The following AGPAT4 variants were observed in gnomAD, a reference collection of about 807,000 sequenced individuals.
AGPAT4 encodes the protein 1-acylglycerol-3-phosphate O-acyltransferase 4, also known as 1-acyl-sn-glycerol-3-phosphate acyltransferase delta.
A neutral mutation model predicts 48.0 loss-of-function variants in AGPAT4; 15 were observed. The observed-to-expected ratio is 0.31, with a 90% CI of 0.21 to 0.48. The LOEUF is 0.48. Among genes scored for constraint, AGPAT4 ranks in the 20% least tolerant of loss-of-function variants. The pLI is 0.99. For missense variants in AGPAT4, 314 were observed against 482.5 expected (o/e 0.65, Z 3.27); for synonymous variants, 178 against 198.7 (o/e 0.90, Z 0.88).
chr6:161,151,097 T>C (rs1562313738), intron 5 of AGPAT4, among the ~76,000 whole-genome samples: 1 of 152,168 alleles, frequency 6.6e-6, no homozygotes, highest in South Asian at 2.1e-4. Context: ...GCCAGCCTGA[T>C]TCTAACTGCA....
At position 161,154,308 on chromosome 6, in the gene AGPAT4, G is replaced by A. The variant is rs1779699310; in HGVS notation, c.351C>T (p.Gly117=). 4.3e-6 allele frequency: 7 copies of A among 1,614,126 alleles called. No homozygotes were observed. The highest frequency in any genetic ancestry group is 5.1e-6 in the Non-Finnish European group (6 of 1,180,034). ...SLSERFGLLG[G]SKVLAKKELA... is the part of the protein sequence containing the mutation. ...GCTCTTTCTTGGCCAGGACCTTGGA[G>A]CCCTGAAACAGAAGAAGGAGCCCAG... The change falls in exon 4 of 9, where the codon GGC becomes GGT. Residue 117 remains glycine, a splice_region_variant and synonymous_variant. Transcript: ENST00000320285. This position sits in a 1 kb window ranked among gnomAD's most constrained non-coding sequence, Gnocchi z 7.8.
In AGPAT4 at chr6:161,170,341, G is replaced by A. The variant is rs191586755; in HGVS notation, c.179-3924C>T. On this transcript the variant is annotated intron_variant, in intron 2 of 8. Transcript: ENST00000320285. ...TAGCTTCTTATTGAACCCTGACCGA[G>A]AGACACTTCCTCTTTACCGCCCCAA... is the stretch of plus-strand genomic sequence containing the variant. 3.3e-3 allele frequency among the ~76,000 whole-genome samples: 504 copies of A among 152,212 alleles called. 5 individuals carry two copies. The highest frequency in any genetic ancestry group is 7.0e-3 in the Admixed American group (107 of 15,276).
At chr6:161,170,471 G>GCACACACACA (rs1216836382) in intron 2 of AGPAT4, among the ~76,000 whole-genome samples, 1 of 113,728 alleles carries the variant, frequency 8.8e-6, no homozygotes, top group African/African-American at 3.6e-5. Flanking sequence ...ACGTGCGCGC[G>GCACACACACA]CGCACACACA....
rs1183310428 is a variant in AGPAT4 at position 161,204,232 on chromosome 6, T to C, written c.178+27804A>G. 6.6e-6 allele frequency among the ~76,000 whole-genome samples: 1 copy of C among 152,232 alleles called. No homozygotes were observed. The highest frequency in any genetic ancestry group is 1.5e-5 in the Non-Finnish European group (1 of 68,048). ...TGTACATAAAAGGGATTTGTGTGTT[T>C]ATTAATAATTTTGTCTATCTTTCTA... is the stretch of plus-strand genomic sequence containing the variant. On this transcript the variant is annotated intron_variant, in intron 2 of 8. Transcript: ENST00000320285. This position sits in a 1 kb window ranked among gnomAD's most constrained non-coding sequence, Gnocchi z 4.4.
In AGPAT4 at chr6:161,271,655, A is replaced by AT. The variant is rs1783427623; in HGVS notation, c.-90+2282dup. On this transcript the variant is annotated intron_variant, in intron 1 of 8. Coordinates refer to ENST00000320285, the MANE Select transcript of AGPAT4 (RefSeq NM_020133.3). ...GCTTTAACCTCTACTCAGCATCTGA[A>AT]TATCAGACAGTGTTTTGTTTGTTTA... Among the ~76,000 whole-genome samples the AT allele has an allele frequency of 2.0e-5, 3 of 152,204 alleles. No individual in the cohort carries two copies. The South Asian group carries it at 6.2e-4, about 32-fold the overall frequency.
rs935957450 is a variant in AGPAT4, at chr6:161,243,053, ACT to A, written c.-89-10753_-89-10752del. On this transcript the variant is annotated intron_variant, in intron 1 of 8. Coordinates refer to ENST00000320285, the MANE Select transcript of AGPAT4 (RefSeq NM_020133.3). This position sits in a 1 kb window ranked among gnomAD's most constrained non-coding sequence, Gnocchi z 4.8. ...ACTCCAGCTTGGGCGACAGAGCCAG[ACT>A]CTGTCTCAAAAAAATTTTTTTTTAA... Among the ~76,000 whole-genome samples the A allele has an allele frequency of 2.6e-5, 4 of 151,924 alleles. No individual in the cohort carries two copies. Among genetic ancestry groups the A allele is most frequent in the African/African-American group, 9.7e-5 (4 of 41,346 alleles).
chr6:161,243,379 A>G lies in AGPAT4; in HGVS notation c.-89-11077T>C. Among the ~76,000 whole-genome samples the G allele has an allele frequency of 6.6e-6, 1 of 152,078 alleles. No homozygotes were observed. The highest frequency in any genetic ancestry group is 2.1e-4 in the South Asian group (1 of 4,820). On this transcript the variant is annotated intron_variant, in intron 1 of 8. Coordinates refer to ENST00000320285, the MANE Select transcript of AGPAT4 (RefSeq NM_020133.3). The surrounding 1 kb of genome is among the most constrained non-coding windows in gnomAD (Gnocchi z 4.8). The stretch of plus-strand genomic sequence containing the variant: ...AGAGAGAGCTTTATTCAGCACCTAA[A>G]CCACCTCCCACTCTACCCCCACCGT...
rs140161829 is a variant in AGPAT4 at position 161,152,033 on chromosome 6, C to T, written c.664+1313G>A. On this transcript the variant is annotated intron_variant, in intron 5 of 8. Transcript: ENST00000320285. ...GGAAGGACCTCGGAGGTGGCTGGCC[C>T]GGTGGGCCCTCGGTTCTGCAGGCCC... Among the ~76,000 whole-genome samples the T allele has an allele frequency of 4.7e-3, 712 of 152,326 alleles. 2 individuals are homozygous for T. Among genetic ancestry groups the T allele is most frequent in the Non-Finnish European group, 7.3e-3 (497 of 68,020 alleles).
rs2114982189 is a variant in AGPAT4, at chr6:161,169,213, C to T, written c.179-2796G>A. ...TTTCATTCTAAAGGCAATATAAAAA[C>T]CACTGGAGCATTTTTAAATAGACAC... On this transcript the variant is annotated intron_variant, in intron 2 of 8. Transcript: ENST00000320285. This position sits in a 1 kb window ranked among gnomAD's most constrained non-coding sequence, Gnocchi z 5.0. Among the ~76,000 whole-genome samples, 2 of 152,196 alleles carry T rather than the reference C, an allele frequency of 1.3e-5. No homozygotes were observed. The highest frequency in any genetic ancestry group is 3.9e-4 in the East Asian group (2 of 5,166).
At chr6:161,192,142 CTTTT>C (rs573872820) in intron 2 of AGPAT4, among the ~76,000 whole-genome samples, 686 of 45,734 alleles carry the variant, frequency 0.015, 5 homozygotes, top group African/African-American at 0.069. Flanking sequence ...AGAAGTTATA[CTTTT>C]TTTTTTTTTT....
Position 161,148,615 on chromosome 6 carries a change from C to T in AGPAT4, c.767+572G>A, listed in dbSNP as rs1355391245. Among the ~76,000 whole-genome samples the T allele has an allele frequency of 6.6e-6, 1 of 152,190 alleles. No homozygotes were observed. Among genetic ancestry groups the T allele is most frequent in the Non-Finnish European group, 1.5e-5 (1 of 68,040 alleles). On this transcript the variant is annotated intron_variant, in intron 6 of 8. Transcript: ENST00000320285. This position sits in a 1 kb window ranked among gnomAD's most constrained non-coding sequence, Gnocchi z 5.5. The stretch of plus-strand genomic sequence containing the variant: ...GTCACACTGGGTTTTAATGCATGAA[C>T]TGCCATTGTGTTTACTATCTGCAGC...
rs1359492996 is a variant in AGPAT4 at position 161,238,090 on chromosome 6, G to A, written c.-89-5788C>T. Among the ~76,000 whole-genome samples the A allele has an allele frequency of 1.3e-5, 2 of 150,878 alleles. No individual in the cohort carries two copies. Among genetic ancestry groups the A allele is most frequent in the African/African-American group, 2.4e-5 (1 of 41,032 alleles). Reference sequence around the variant, plus strand: ...GGTGGGGGGGTAATGGGGGGGTTGGGGGGCGGGAGGCAGAATGCAGCATAG... The same window carrying A: ...GGTGGGGGGGTAATGGGGGGGTTGGAGGGCGGGAGGCAGAATGCAGCATAG... On this transcript the variant is annotated intron_variant, in intron 1 of 8. Transcript: ENST00000320285. This position sits in a 1 kb window ranked among gnomAD's most constrained non-coding sequence, Gnocchi z 5.2.
Position 161,215,906 on chromosome 6 carries a change from C to G in AGPAT4, c.178+16130G>C, listed in dbSNP as rs1781633093. Among the ~76,000 whole-genome samples the G allele has an allele frequency of 1.3e-5, 2 of 152,138 alleles. No individual in the cohort carries two copies. The highest frequency in any genetic ancestry group is 2.9e-5 in the Non-Finnish European group (2 of 68,024). ...GTAGAGCAGACATAGTCAAGTTTAT[C>G]TATGCCGGCAAGCAAAACTCTTCGC... On this transcript the variant is annotated intron_variant, in intron 2 of 8. Coordinates refer to ENST00000320285, the MANE Select transcript of AGPAT4 (RefSeq NM_020133.3). The surrounding 1 kb of genome is among the most constrained non-coding windows in gnomAD (Gnocchi z 4.5).
rs1205520777 is a variant in AGPAT4 at position 161,212,961 on chromosome 6, CT to C, written c.178+19074del. Among the ~76,000 whole-genome samples, 1 of 152,200 alleles carries C rather than the reference CT, an allele frequency of 6.6e-6. No homozygotes were observed. Among genetic ancestry groups the C allele is most frequent in the African/African-American group, 2.4e-5 (1 of 41,436 alleles). ...ACTTTGACTGTAATGGTGTGCTTTC[CT>C]TTAAGGAATCAAACTTGACTTATGA... On this transcript the variant is annotated intron_variant, in intron 2 of 8. Transcript: ENST00000320285. This position sits in a 1 kb window ranked among gnomAD's most constrained non-coding sequence, Gnocchi z 6.1.
chr6:161,172,385 C>A (rs992103684), intron 2 of AGPAT4, among the ~76,000 whole-genome samples: 7 of 152,294 alleles, frequency 4.6e-5, no homozygotes, highest in African/African-American at 1.7e-4. Flanking sequence ...GCACCCCATC[C>A]AGGCCTGGGG....
At position 161,138,304 on chromosome 6, in the gene AGPAT4, A is replaced by C. The variant is rs1779141786; in HGVS notation, c.1042+1118T>G. Among the ~76,000 whole-genome samples, 1 of 152,210 alleles carries C rather than the reference A, an allele frequency of 6.6e-6. No individual in the cohort carries two copies. On this transcript the variant is annotated intron_variant, in intron 8 of 8. Transcript: ENST00000320285. The surrounding 1 kb of genome is among the most constrained non-coding windows in gnomAD (Gnocchi z 4.8). ...TTCAAAAGACTGTATAGTAGGGTCT[A>C]TTTGAGGAACAGGAGCCAGCTTGTC...
rs1466269625 is a variant in AGPAT4 at position 161,254,970 on chromosome 6, T to A, written c.-90+18968A>T. Among the ~76,000 whole-genome samples, 1 of 152,140 alleles carries A rather than the reference T, an allele frequency of 6.6e-6. No homozygotes were observed. Among genetic ancestry groups the A allele is most frequent in the African/African-American group, 2.4e-5 (1 of 41,426 alleles). ...ACTTCGCGAAGAAAAAGCCTCAAAC[T>A]GCAGAACACACCCGGCAAGCTGTTC... is the stretch of plus-strand genomic sequence containing the variant. On this transcript the variant is annotated intron_variant, in intron 1 of 8. Transcript: ENST00000320285. The surrounding 1 kb of genome is among the most constrained non-coding windows in gnomAD (Gnocchi z 5.9).
At position 161,130,418 on chromosome 6, in the gene AGPAT4, G is replaced by A. The variant is rs1389904942; in HGVS notation, c.*6122C>T. 1 of 157,632 alleles carries A rather than the reference G, an allele frequency of 6.3e-6. No homozygotes were observed. The highest frequency in any genetic ancestry group is 1.4e-5 in the Non-Finnish European group (1 of 71,234). 9.8% of individuals were successfully genotyped at this position (157,632 alleles called of 1,614,324 possible). A position where few individuals can be genotyped will look rare whatever the true frequency, so the allele number is the denominator to read the frequency against. On this transcript the variant is annotated 3_prime_UTR_variant, in exon 9 of 9. Transcript: ENST00000320285. ...TGTTCCTGAATGTCGCCACAAAGCA[G>A]TCTGTAAAACCCACTCGCTTTCCCT...
Position 161,177,455 on chromosome 6 carries a change from G to C in AGPAT4, c.179-11038C>G, listed in dbSNP as rs1780459090. On this transcript the variant is annotated intron_variant, in intron 2 of 8. Transcript: ENST00000320285. The surrounding 1 kb of genome is among the most constrained non-coding windows in gnomAD (Gnocchi z 5.0). ...GAATCGGCCACTGAAACTTGTGCATGTGTCACGTAGTTCTCAAGCCATGGT... is the reference window on the plus strand; with the variant it reads ...GAATCGGCCACTGAAACTTGTGCATCTGTCACGTAGTTCTCAAGCCATGGT... 6.6e-6 allele frequency among the ~76,000 whole-genome samples: 1 copy of C among 152,152 alleles called. No homozygotes were observed. Among genetic ancestry groups the C allele is most frequent in the Non-Finnish European group, 1.5e-5 (1 of 68,032 alleles).
Sources: allele counts gnomAD v4.1 joint callset (sites outside exome capture counted in the v4.1 genomes callset), GRCh38; gene constraint gnomAD v4.1.1; non-coding constraint Gnocchi (gnomAD v3.1); transcripts MANE v1.5; gene names NCBI Gene and HGNC (gene_info 2026-07-23, HGNC 2026-07-21).